TUSC3: variants seen among roughly 807,000 people sequenced by gnomAD.
TUSC3 encodes the protein dolichyl-diphosphooligosaccharide--protein glycosyltransferase subunit TUSC3.
In TUSC3, 45 loss-of-function variants were observed where a neutral mutation model predicts 44.8. The observed-to-expected ratio is 1.00, with a 90% CI of 0.79 to 1.29. The LOEUF (loss-of-function observed/expected upper bound fraction) is 1.29. TUSC3 is among the 50% of genes most tolerant of loss of function. The probability of loss-of-function intolerance (pLI) is 0.00; values close to 1 mark genes in which losing one functional copy is unlikely to be tolerated. For missense variants in TUSC3, 519 were observed against 437.9 expected, an observed-to-expected ratio of 1.19 and a Z score of -1.65; for synonymous variants, 212 against 152.9, an observed-to-expected ratio of 1.39 and a Z score of -2.85.
At chr8:15,699,109 A>C (rs942981948) in intron 6 of TUSC3, among the ~76,000 whole-genome samples, 3 of 152,164 alleles carry the variant, frequency 2.0e-5, no homozygotes, top group Admixed American at 2.0e-4. Flanking sequence ...TGGCCTGCCA[A>C]AGTACCAGGA....
chr8:15,798,657 G>GGT, the TUSC3 span, among the ~76,000 whole-genome samples: 2 of 151,622 alleles, frequency 1.3e-5, no homozygotes, highest in South Asian at 2.1e-4. Flanking sequence ...TGTGGGGGGG[G>GGT]TCCTCTTATT....
rs182845429 is a variant in TUSC3 at position 15,659,374 on chromosome 8, A to G, written c.427-133A>G. On this transcript the variant is annotated intron_variant, in intron 3 of 10. Transcript: ENST00000503731. ...TGAATTAAGACAAATAAAAACAGAA[A>G]TTTACCTCTGGAAAACCACTTGGAT... 4 of 1,122,456 alleles carry G rather than the reference A, an allele frequency of 3.6e-6. No homozygotes were observed. In the African/African-American group the frequency reaches 6.3e-5, roughly 18 times the overall value. 69.5% of individuals were successfully genotyped at this position (1,122,456 alleles called of 1,614,324 possible).
chr8:15,734,515 A>AT (rs1406568273), intron 7 of TUSC3, among the ~76,000 whole-genome samples: 3 of 152,184 alleles, frequency 2.0e-5, no homozygotes, highest in Admixed American at 2.0e-4. Context: ...ATAGGGCTTT[A>AT]TATTTTTGCA....
intron 1 of TUSC3, among the ~76,000 whole-genome samples, chr8:15,446,071 C>T (rs957514595): frequency 6.6e-6 from 1 of 150,546 alleles, no homozygotes; most frequent in African/African-American, 2.5e-5. Context: ...GGCAGAGACG[C>T]TCCTCACCTC....
chr8:15,528,755 A>G (rs912500312), intron 2 of TUSC3, among the ~76,000 whole-genome samples: 1 of 152,184 alleles, frequency 6.6e-6, no homozygotes, highest in South Asian at 2.1e-4. Context: ...GATTGCCTGA[A>G]TTAAATAGCT....
intron 3 of TUSC3, among the ~76,000 whole-genome samples, chr8:15,656,544 T>A (rs530093449): frequency 1.6e-4 from 24 of 152,308 alleles, no homozygotes; most frequent in African/African-American, 5.3e-4. Context: ...TCCCATCATC[T>A]GGGCACACTG....
At chr8:15,834,552 T>A in the TUSC3 span, among the ~76,000 whole-genome samples, 68,746 of 151,606 alleles carry the variant, frequency 0.45, 17,848 homozygotes, top group Non-Finnish European at 0.6. Flanking sequence ...TTTAACAAGT[T>A]TTCATTAAGA....
chr8:15,547,764 C>G (rs980671092), intron 1 of TUSC3, among the ~76,000 whole-genome samples: 1 of 151,318 alleles, frequency 6.6e-6, no homozygotes, highest in African/African-American at 2.4e-5. Flanking sequence ...CTCTCTGGTC[C>G]TCGTTCTCCC....
intron 9 of TUSC3, among the ~76,000 whole-genome samples, chr8:15,753,606 T>G (rs926155616): frequency 6.6e-5 from 10 of 152,108 alleles, no homozygotes; most frequent in Non-Finnish European, 1.2e-4. Flanking sequence ...AGTAATAATA[T>G]ATTTTACTTG....
intron 2 of TUSC3, among the ~76,000 whole-genome samples, chr8:15,483,649 A>ATTTTTTTT (rs60092911): frequency 0.016 from 1,084 of 66,092 alleles, 111 homozygotes; most frequent in East Asian, 0.041. Flanking sequence ...TAGCACTGTG[A>ATTTTTTTT]TTTTTTTTTT....
At chr8:15,779,316 C>T in the TUSC3 span, among the ~76,000 whole-genome samples, 1 of 152,144 alleles carries the variant, frequency 6.6e-6, no homozygotes, top group Non-Finnish European at 1.5e-5. Context: ...AGTCCTCCCA[C>T]CTGGGCTTCC....
intron 1 of TUSC3, among the ~76,000 whole-genome samples, chr8:15,578,006 G>T (rs1305462628): frequency 5.4e-5 from 8 of 149,446 alleles, no homozygotes; most frequent in Admixed American, 4.0e-4. Context: ...GTGGTTTGTA[G>T]TTCTCCTTGA....
At chr8:15,726,323 G>A (rs1249696911) in intron 6 of TUSC3, among the ~76,000 whole-genome samples, 1 of 151,840 alleles carries the variant, frequency 6.6e-6, no homozygotes, top group Admixed American at 6.6e-5. Context: ...TATGTTACTT[G>A]AAATTAAGAA....
At chr8:15,486,724 C>T (rs1318503431) in intron 2 of TUSC3, among the ~76,000 whole-genome samples, 3 of 152,112 alleles carry the variant, frequency 2.0e-5, no homozygotes, top group African/African-American at 4.8e-5. Context: ...ATTACAGGCA[C>T]AAGCCACCGC....
Position 15,649,273 on chromosome 8 carries a change from T to A in TUSC3, c.309-1424T>A, listed in dbSNP as rs868001535. 4.0e-5 allele frequency among the ~76,000 whole-genome samples: 6 copies of A among 151,876 alleles called. No homozygotes were observed. In the Middle Eastern group the frequency reaches 0.01, roughly 258 times the overall value. ...GGACTGGTTCGGGAGGGTGCAGAAG[T>A]TTGGTCTACTATTGAGTATTAAGAA... On this transcript the variant is annotated intron_variant, in intron 2 of 10. Transcript: ENST00000503731.
chr8:15,507,344 A>T (rs942464823), intron 2 of TUSC3, among the ~76,000 whole-genome samples: 2 of 152,182 alleles, frequency 1.3e-5, no homozygotes, highest in East Asian at 3.9e-4. Flanking sequence ...TTTTTCAGCT[A>T]TCTCTCATAT....
At chr8:15,702,796 A>G (rs2129195981) in intron 6 of TUSC3, among the ~76,000 whole-genome samples, 1 of 152,290 alleles carries the variant, frequency 6.6e-6, no homozygotes, top group African/African-American at 2.4e-5. Context: ...AACATCAACA[A>G]CAAAAAATAC....
chr8:15,610,101 A>G (rs1804697289), intron 1 of TUSC3, among the ~76,000 whole-genome samples: 1 of 152,144 alleles, frequency 6.6e-6, no homozygotes. Flanking sequence ...AAGGTATATT[A>G]AGAAAGGTAT....
intron 1 of TUSC3, among the ~76,000 whole-genome samples, chr8:15,548,044 G>C (rs1354803672): frequency 6.6e-6 from 1 of 151,346 alleles, no homozygotes; most frequent in Non-Finnish European, 1.5e-5. Context: ...GCAATCTGCA[G>C]TCCAGAAGGG....
Sources: gnomAD v4.1 joint callset for allele counts (sites outside exome capture counted in the v4.1 genomes callset) on GRCh38, gnomAD v4.1.1 for gene constraint, MANE v1.5 for transcripts, NCBI Gene and HGNC (gene_info 2026-07-23, HGNC 2026-07-21) for gene names.